Variants in FBXL17 observed in about 807,000 individuals in gnomAD.
FBXL17 encodes F-box and leucine rich repeat protein 17.
A neutral mutation model predicts 66.2 loss-of-function variants in FBXL17; 22 were observed. That is an observed-to-expected ratio of 0.33 (90% CI 0.24 to 0.47). FBXL17 has a LOEUF of 0.47. FBXL17 is among the 20% of genes least tolerant of loss of function. FBXL17 has a pLI of 1.00. For missense variants in FBXL17, 878 were observed against 948.2 expected, an observed-to-expected ratio of 0.93 and a Z score of 0.97; for synonymous variants, 474 against 400.5, an observed-to-expected ratio of 1.18 and a Z score of -2.19.
chr5:108,088,497 C>G (rs780675142), intron 6 of FBXL17, among the ~76,000 whole-genome samples: 6 of 151,788 alleles, frequency 4.0e-5, no homozygotes, highest in Non-Finnish European at 7.4e-5. Context: ...GTCAGGAGAT[C>G]GAGACCATCC....
intron 6 of FBXL17, among the ~76,000 whole-genome samples, chr5:108,111,892 C>G (rs1222463936): frequency 6.6e-6 from 1 of 152,206 alleles, no homozygotes; most frequent in East Asian, 1.9e-4. Flanking sequence ...CATGTTAGCA[C>G]TCTGTCATAA....
chr5:108,338,802 C>A (rs1320696144), intron 4 of FBXL17, among the ~76,000 whole-genome samples: 3 of 152,102 alleles, frequency 2.0e-5, no homozygotes, highest in African/African-American at 7.2e-5. Flanking sequence ...CCTTCTACTG[C>A]CTGTCAGGTA....
intron 6 of FBXL17, among the ~76,000 whole-genome samples, chr5:108,063,222 C>CA (rs199497466): frequency 0.02 from 2,982 of 152,210 alleles, 46 homozygotes; most frequent in Non-Finnish European, 0.029. Flanking sequence ...CTGTTGAACT[C>CA]AGAGATTCAG....
At chr5:107,905,946 A>G (rs1224500057) in intron 7 of FBXL17, among the ~76,000 whole-genome samples, 2 of 152,196 alleles carry the variant, frequency 1.3e-5, no homozygotes, top group Non-Finnish European at 2.9e-5. Flanking sequence ...GAAGTATGGG[A>G]CTGTAGTCAA....
At chr5:108,317,077 A>G (rs1450531793) in intron 4 of FBXL17, among the ~76,000 whole-genome samples, 2 of 151,234 alleles carry the variant, frequency 1.3e-5, no homozygotes, top group African/African-American at 4.8e-5. Context: ...TTATACCACT[A>G]TCAAATCCCA....
chr5:108,247,056 C>T (rs1281044499), intron 4 of FBXL17, among the ~76,000 whole-genome samples: 3 of 152,102 alleles, frequency 2.0e-5, no homozygotes, highest in Non-Finnish European at 4.4e-5. Flanking sequence ...CATAGTAATG[C>T]ACACTTTCAA....
At chr5:108,077,673 A>T (rs1197689587) in intron 6 of FBXL17, among the ~76,000 whole-genome samples, 1 of 152,186 alleles carries the variant, frequency 6.6e-6, no homozygotes. Context: ...AAAAAAAAAA[A>T]AAAATGAAAA....
chr5:108,380,390 T>G (rs892283381), intron 1 of FBXL17, among the ~76,000 whole-genome samples: 1 of 152,088 alleles, frequency 6.6e-6, no homozygotes, highest in African/African-American at 2.4e-5. Context: ...ATTAAAAAAT[T>G]TTTTTTTCCA....
intron 7 of FBXL17, among the ~76,000 whole-genome samples, chr5:107,934,719 C>T (rs1391171527): frequency 6.6e-6 from 1 of 152,100 alleles, no homozygotes; most frequent in East Asian, 1.9e-4. Flanking sequence ...CCAGCGATTG[C>T]TATGACTGTA....
At chr5:107,970,692 G>A (rs897895021) in intron 7 of FBXL17, among the ~76,000 whole-genome samples, 5 of 152,094 alleles carry the variant, frequency 3.3e-5, no homozygotes, top group South Asian at 2.1e-4. Context: ...CCTTTGAAAC[G>A]TTGGCCATTT....
chr5:108,057,916 TA>T, intron 6 of FBXL17, among the ~76,000 whole-genome samples: 1 of 152,188 alleles, frequency 6.6e-6, no homozygotes, highest in South Asian at 2.1e-4. Context: ...AGTTTATCCA[TA>T]AAAAACACCA....
At chr5:107,871,030 G>A (rs1283911315) in intron 8 of FBXL17, among the ~76,000 whole-genome samples, 1 of 119,904 alleles carries the variant, frequency 8.3e-6, no homozygotes, top group Non-Finnish European at 1.7e-5. Flanking sequence ...TTTTCATACA[G>A]AGGTAAGAAA....
At position 107,996,379 on chromosome 5, in the gene FBXL17, A is replaced by C. The variant is rs146907213; in HGVS notation, c.1822+24546T>G. Reference sequence around the variant, plus strand: ...ACCCAGGCTGGAGTACAGTGGCAAGATCTCAACTCACTGCAGCCTCTGCCT... The same window carrying C: ...ACCCAGGCTGGAGTACAGTGGCAAGCTCTCAACTCACTGCAGCCTCTGCCT... On this transcript the variant is annotated intron_variant, in intron 7 of 8. Coordinates refer to ENST00000542267, the MANE Select transcript of FBXL17 (RefSeq NM_001163315.3). Among the ~76,000 whole-genome samples, 116 of 152,310 alleles carry C rather than the reference A, an allele frequency of 7.6e-4. 2 individuals are homozygous for C. In the Middle Eastern group the frequency reaches 0.014, roughly 18 times the overall value.
intron 7 of FBXL17, among the ~76,000 whole-genome samples, chr5:107,998,730 C>T (rs1319276799): frequency 2.0e-5 from 3 of 152,082 alleles, no homozygotes; most frequent in Admixed American, 6.6e-5. Context: ...CTAACATCTT[C>T]CTTATTGTTG....
intron 3 of FBXL17, among the ~76,000 whole-genome samples, chr5:108,352,788 C>T (rs1017045066): frequency 3.3e-5 from 5 of 152,126 alleles, no homozygotes; most frequent in Non-Finnish European, 5.9e-5. Flanking sequence ...GGATTACAGG[C>T]GTGAGCCACT....
At chr5:107,929,662 A>T in intron 7 of FBXL17, among the ~76,000 whole-genome samples, 1 of 152,132 alleles carries the variant, frequency 6.6e-6, no homozygotes, top group East Asian at 1.9e-4. Flanking sequence ...CAATGATTCC[A>T]AGAAATATCT....
At chr5:107,882,288 A>C (rs1748817110) in intron 7 of FBXL17, among the ~76,000 whole-genome samples, 1 of 152,188 alleles carries the variant, frequency 6.6e-6, no homozygotes, top group Non-Finnish European at 1.5e-5. Context: ...CATGTTAACA[A>C]ATGTTTACTC....
At chr5:108,033,578 C>T (rs1280610171) in intron 6 of FBXL17, among the ~76,000 whole-genome samples, 6 of 152,052 alleles carry the variant, frequency 3.9e-5, no homozygotes, top group Non-Finnish European at 8.8e-5. Context: ...TTAGTTTTAT[C>T]CATTTTCTTT....
At chr5:108,132,689 C>T (rs1189934175) in intron 6 of FBXL17, among the ~76,000 whole-genome samples, 2 of 152,148 alleles carry the variant, frequency 1.3e-5, no homozygotes. Flanking sequence ...TTACAAAACA[C>T]CTTTGCCTTC....
Sources: allele counts gnomAD v4.1 joint callset (sites outside exome capture counted in the v4.1 genomes callset), GRCh38; gene constraint gnomAD v4.1.1; transcripts MANE v1.5; gene names NCBI Gene and HGNC (gene_info 2026-07-23, HGNC 2026-07-21).